Variants in ATP10A observed in about 807,000 individuals in gnomAD.
ATP10A encodes ATPase phospholipid transporting 10A (putative).
Under a neutral mutation model 147.8 loss-of-function variants are expected in ATP10A, and 111 were observed. That is an observed-to-expected ratio of 0.75 (90% CI 0.64 to 0.88). ATP10A has a LOEUF of 0.88. Ranked by LOEUF, ATP10A falls within the 40% of genes least tolerant of loss-of-function variation. The pLI, the probability that ATP10A is intolerant of heterozygous loss-of-function variation, is 0.00. For synonymous variants in ATP10A, 875 were observed against 841.6 expected (o/e 1.04, Z -0.69); for missense variants, 1,927 against 1,959.0 (o/e 0.98, Z 0.31).
intron 1 of ATP10A, among the ~76,000 whole-genome samples, chr15:25,849,335 C>T (rs943125175): frequency 6.6e-6 from 1 of 152,132 alleles, no homozygotes; most frequent in Non-Finnish European, 1.5e-5. Flanking sequence ...AGGGCCTGTC[C>T]CTCCGGAGGC....
At position 25,686,580 on chromosome 15, in the gene ATP10A, CTTTTA is replaced by C. The variant is rs1156440655; in HGVS notation, c.3291+1118_3291+1122del. ...ATACAGAACTGGAAAAAGAATACAC[CTTTTA>C]TTTTATTTTATTTTCAGAAGAGTAT... On this transcript the variant is annotated intron_variant, in intron 16 of 20. Coordinates refer to ENST00000555815, the MANE Select transcript of ATP10A (RefSeq NM_024490.4). Among the ~76,000 whole-genome samples, 5 of 107,336 alleles carry C rather than the reference CTTTTA, an allele frequency of 4.7e-5. 2 individuals are homozygous for C. The highest frequency in any genetic ancestry group is 8.4e-5 in the Non-Finnish European group (5 of 59,646). The allele number at this position is 107,336 out of a possible 152,430, so 70.4% of individuals were successfully genotyped here. A position where few individuals can be genotyped will look rare whatever the true frequency, so the allele number is the denominator to read the frequency against.
intron 12 of ATP10A, among the ~76,000 whole-genome samples, chr15:25,706,794 G>A (rs1241253738): frequency 6.6e-6 from 1 of 152,196 alleles, no homozygotes; most frequent in Non-Finnish European, 1.5e-5. Context: ...CCCTGGGGAA[G>A]GTGCCCCACA....
At chr15:25,838,710 A>G (rs1174008264) in intron 1 of ATP10A, among the ~76,000 whole-genome samples, 1 of 152,140 alleles carries the variant, frequency 6.6e-6, no homozygotes, top group Non-Finnish European at 1.5e-5. Flanking sequence ...CAGCCCTTTG[A>G]GAGTTGTGGC....
chr15:25,679,390 C>T lies in ATP10A; in HGVS notation c.4451G>A (p.Gly1484Glu). The change falls in exon 21 of 21, where the codon GGG (glycine) becomes GAG (glutamate). Residue 1484 changes from glycine (G) to glutamate (E), a missense_variant. Gly to Glu is a moderately conservative substitution (Grantham distance 98). Coordinates refer to ENST00000555815, the MANE Select transcript of ATP10A (RefSeq NM_024490.4). The stretch of plus-strand genomic sequence containing the variant: ...TCCTATAAGTAGTCTGTGGTCTGGC[C>T]CTTGAAGTCCTGATCGGCCTGAGTG... ...QPHSGRSGLQGPDHRLLIGAS... is the reference protein window; with the variant it reads ...QPHSGRSGLQEPDHRLLIGAS... 1 of 1,608,542 alleles carries T rather than the reference C, an allele frequency of 6.2e-7. No homozygotes were observed.
chr15:25,719,806 C>T (rs1902099024), intron 7 of ATP10A, among the ~76,000 whole-genome samples: 1 of 152,180 alleles, frequency 6.6e-6, no homozygotes, highest in Non-Finnish European at 1.5e-5. Flanking sequence ...GCCAAGCTGT[C>T]AGAGGGGGCA....
chr15:25,701,119 G>A (rs913896239), intron 13 of ATP10A, among the ~76,000 whole-genome samples: 6 of 152,322 alleles, frequency 3.9e-5, no homozygotes, highest in African/African-American at 1.4e-4. Context: ...TGTGGACAAC[G>A]GGGCTTGAAA....
At chr15:25,827,632 G>A (rs1444619) in intron 1 of ATP10A, among the ~76,000 whole-genome samples, 141,932 of 152,240 alleles carry the variant, frequency 0.93, 66,709 homozygotes, top group Non-Finnish European at 1. Flanking sequence ...GATTACTAAG[G>A]AAATAACCCC....
chr15:25,712,011 C>T (rs763317130), intron 10 of ATP10A, among the ~76,000 whole-genome samples: 1 of 152,314 alleles, frequency 6.6e-6, no homozygotes, highest in Admixed American at 6.5e-5. Context: ...CCATGGCCCT[C>T]GGCACCTGCT....
chr15:25,719,537 T>C (rs75601146), intron 7 of ATP10A, among the ~76,000 whole-genome samples: 1,756 of 152,268 alleles, frequency 0.012, 43 homozygotes, highest in African/African-American at 0.041. Context: ...GGGCTTCAGC[T>C]GCCAAGAAAG....
intron 3 of ATP10A, among the ~76,000 whole-genome samples, chr15:25,735,619 C>T (rs1054172899): frequency 1.3e-5 from 2 of 152,204 alleles, no homozygotes; most frequent in Non-Finnish European, 2.9e-5. Flanking sequence ...CACATTACAT[C>T]CAGTGCCTTG....
In ATP10A at chr15:25,862,903, T is replaced by C. The variant is rs1035467432; in HGVS notation, c.194A>G (p.Lys65Arg). The C allele has an allele frequency of 6.2e-7, 1 of 1,609,804 alleles. No homozygotes were observed. Among genetic ancestry groups the C allele is most frequent in the African/African-American group, 1.3e-5 (1 of 74,800 alleles). The change falls in exon 1 of 21, where the codon AAG becomes AGG. Residue 65 changes from lysine to arginine, a missense_variant. Lys to Arg is a conservative substitution (Grantham distance 26). Coordinates refer to ENST00000555815, the MANE Select transcript of ATP10A (RefSeq NM_024490.4). ...GGACAGCAGCGTGTACTTGGTAGTC[T>C]TGAGCCGGTTGTCGGCCAGGTGCTG... ...CAQHLADNRL[K>R]TTKYTLLSFL...
intron 10 of ATP10A, 81 bp from the exon 11 acceptor site, chr15:25,708,381 C>A (rs972024453): frequency 5.6e-6 from 7 of 1,241,976 alleles, no homozygotes; most frequent in Admixed American, 1.8e-5. Context: ...ATTTACCCCA[C>A]GTCTGTTCGT....
intron 1 of ATP10A, among the ~76,000 whole-genome samples, chr15:25,813,735 A>G (rs535728153): frequency 2.5e-4 from 38 of 152,330 alleles, no homozygotes; most frequent in African/African-American, 8.9e-4. Flanking sequence ...GAAAACTACA[A>G]TGTCTCAGAT....
chr15:25,736,188 C>T lies in ATP10A; in HGVS notation c.655-47G>A, dbSNP rs370951347. 1.0e-4 allele frequency: 157 copies of T among 1,538,480 alleles called. No homozygotes were observed. The African/African-American group carries it at 1.4e-3, about 14-fold the overall frequency. On this transcript the variant is annotated intron_variant, in intron 2 of 20. Coordinates refer to ENST00000555815, the MANE Select transcript of ATP10A (RefSeq NM_024490.4). ...ATTAGAGAAATCCGGGCTCAGGCTGCGCCGTTCTAAAAGGCACTCGCTTTT... is the reference window on the plus strand; with the variant it reads ...ATTAGAGAAATCCGGGCTCAGGCTGTGCCGTTCTAAAAGGCACTCGCTTTT...
At chr15:25,753,678 T>C (rs1056121381) in intron 2 of ATP10A, among the ~76,000 whole-genome samples, 7 of 151,626 alleles carry the variant, frequency 4.6e-5, no homozygotes, top group African/African-American at 1.7e-4. Flanking sequence ...GAAGTGTACA[T>C]TGTCCCCCAC....
At chr15:25,820,610 C>T (rs1268150876) in intron 1 of ATP10A, among the ~76,000 whole-genome samples, 3 of 151,998 alleles carry the variant, frequency 2.0e-5, no homozygotes, top group African/African-American at 7.2e-5. Flanking sequence ...TATAAATGTT[C>T]GGCATAGTGT....
At chr15:25,673,221 T>C (rs1199116898), downstream of ATP10A, among the ~76,000 whole-genome samples, 2 of 152,098 alleles carry the variant, frequency 1.3e-5, no homozygotes, top group African/African-American at 4.8e-5. Flanking sequence ...TTGAGCGAGG[T>C]AGCTCAGGCA....
intron 2 of ATP10A, among the ~76,000 whole-genome samples, chr15:25,753,596 C>T (rs1219961276): frequency 6.6e-6 from 1 of 151,596 alleles, no homozygotes; most frequent in Admixed American, 6.6e-5. Context: ...AATTTTTGCT[C>T]CATTTTTCAA....
intron 1 of ATP10A, among the ~76,000 whole-genome samples, chr15:25,787,086 G>A (rs950699777): frequency 1.3e-5 from 2 of 152,164 alleles, no homozygotes; most frequent in Admixed American, 6.5e-5. Flanking sequence ...TACAGACATG[G>A]AAACCAAACG....
Sources: gnomAD v4.1 joint callset for allele counts (sites outside exome capture counted in the v4.1 genomes callset) on GRCh38, gnomAD v4.1.1 for gene constraint, MANE v1.5 for transcripts, NCBI Gene and HGNC (gene_info 2026-07-23, HGNC 2026-07-21) for gene names.